Variants in LRRC4C observed in about 807,000 individuals in gnomAD.
LRRC4C encodes leucine rich repeat containing 4C, also known as leucine-rich repeat-containing protein 4C.
LRRC4C carries 5 observed loss-of-function variants against 33.6 expected under a neutral mutation model. The observed-to-expected ratio is 0.15, with a 90% CI of 0.08 to 0.31. The LOEUF (loss-of-function observed/expected upper bound fraction) is 0.31, where lower values mean the gene tolerates loss of function less well. LRRC4C is among the 10% of genes least tolerant of loss of function. The pLI, the probability that LRRC4C is intolerant of heterozygous loss-of-function variation, is 1.00. For missense variants in LRRC4C, 560 were observed against 796.7 expected (o/e 0.70, Z 3.58); for synonymous variants, 329 against 302.0 (o/e 1.09, Z -0.93).
intron 2 of LRRC4C, among the ~76,000 whole-genome samples, chr11:40,880,863 G>GTGTGTA: frequency 6.9e-6 from 1 of 145,630 alleles, no homozygotes; most frequent in South Asian, 2.1e-4. Flanking sequence ...ATGTGTGTGT[G>GTGTGTA]TATATATATA....
At position 40,883,543 on chromosome 11, in the gene LRRC4C, CA is replaced by C. The variant is rs373089391; in HGVS notation, c.-407+50091del. ...TGCAATTGCCATTCAAACACCAAAT[CA>C]GTTCATCAACTCAAATAAACTCTCA... On this transcript the variant is annotated intron_variant, in intron 2 of 6. Coordinates refer to ENST00000528697, the MANE Select transcript of LRRC4C (RefSeq NM_001258419.2). Among the ~76,000 whole-genome samples, 32 of 152,152 alleles carry C rather than the reference CA, an allele frequency of 2.1e-4. 1 individual carries two copies. In the East Asian group the frequency reaches 3.1e-3, roughly 15 times the overall value.
At chr11:40,281,522 A>G (rs1452690095) in intron 4 of LRRC4C, among the ~76,000 whole-genome samples, 1 of 152,132 alleles carries the variant, frequency 6.6e-6, no homozygotes. Flanking sequence ...TCAACTGTAA[A>G]ATCATTCAGG....
chr11:40,648,051 A>T (rs1286810752), intron 3 of LRRC4C, 91 bp downstream of exon 3: 1 of 152,236 alleles, frequency 6.6e-6, no homozygotes, highest in African/African-American at 2.4e-5. Flanking sequence ...GTACCAAAGG[A>T]GAATTATAAT....
chr11:40,406,330 C>T (rs1331614004), intron 3 of LRRC4C, among the ~76,000 whole-genome samples: 1 of 152,072 alleles, frequency 6.6e-6, no homozygotes, highest in African/African-American at 2.4e-5. Flanking sequence ...TTGTTTTCTT[C>T]CCTCCCATGT....
chr11:40,118,113 AT>A (rs1855569293), intron 6 of LRRC4C, among the ~76,000 whole-genome samples: 1 of 148,548 alleles, frequency 6.7e-6, no homozygotes, highest in African/African-American at 2.4e-5. Context: ...TTCATTATAA[AT>A]TGTTAATATG....
intron 1 of LRRC4C, among the ~76,000 whole-genome samples, chr11:41,015,498 GAC>G (rs1447439244): frequency 6.6e-6 from 1 of 151,922 alleles, no homozygotes; most frequent in Non-Finnish European, 1.5e-5. Flanking sequence ...ATTTTTAGGA[GAC>G]ACAGGGTTTC....
chr11:41,257,632 G>T (rs562699191), intron 1 of LRRC4C, among the ~76,000 whole-genome samples: 1 of 152,060 alleles, frequency 6.6e-6, no homozygotes, highest in African/African-American at 2.4e-5. Flanking sequence ...CTGCCAATGG[G>T]CATTAAGCTG....
At chr11:40,881,659 CTT>C (rs57939811) in intron 2 of LRRC4C, among the ~76,000 whole-genome samples, 301 of 145,186 alleles carry the variant, frequency 2.1e-3, no homozygotes, top group South Asian at 5.9e-3. Context: ...TAGTTTTTTT[CTT>C]TTTTTTTTTT....
intron 2 of LRRC4C, among the ~76,000 whole-genome samples, chr11:40,657,400 A>T (rs1337486725): frequency 6.6e-6 from 1 of 152,256 alleles, no homozygotes; most frequent in Non-Finnish European, 1.5e-5. Context: ...TCTGTAGGGC[A>T]TGAAAGGAAA....
intron 2 of LRRC4C, among the ~76,000 whole-genome samples, chr11:40,748,523 C>G (rs1195221096): frequency 6.6e-6 from 1 of 151,960 alleles, no homozygotes; most frequent in Non-Finnish European, 1.5e-5. Flanking sequence ...TCAAATGGTA[C>G]TACTTCATAA....
At chr11:41,348,047 G>A (rs1951856173) in intron 1 of LRRC4C, among the ~76,000 whole-genome samples, 1 of 152,126 alleles carries the variant, frequency 6.6e-6, no homozygotes, top group African/African-American at 2.4e-5. Context: ...ATTTACATAA[G>A]TATCTACAAA....
intron 1 of LRRC4C, among the ~76,000 whole-genome samples, chr11:41,369,774 C>T (rs1329742164): frequency 6.6e-6 from 1 of 152,030 alleles, no homozygotes; most frequent in African/African-American, 2.4e-5. Flanking sequence ...ATGATGAGCA[C>T]CTGGAGAAAA....
chr11:40,145,658 A>G (rs866494327), intron 5 of LRRC4C, among the ~76,000 whole-genome samples: 19 of 152,198 alleles, frequency 1.2e-4, no homozygotes, highest in African/African-American at 4.3e-4. Flanking sequence ...TTTGTACATT[A>G]CAGAAAGATA....
At chr11:41,298,905 T>G (rs1374023756) in intron 1 of LRRC4C, among the ~76,000 whole-genome samples, 3 of 152,204 alleles carry the variant, frequency 2.0e-5, no homozygotes. Context: ...TGACATTCTA[T>G]TTCTGAGTTG....
chr11:41,079,747 A>G lies in LRRC4C; in HGVS notation c.-495-146024T>C, dbSNP rs561858579. Among the ~76,000 whole-genome samples, 12 of 152,354 alleles carry G rather than the reference A, an allele frequency of 7.9e-5. No homozygotes were observed. The South Asian group carries it at 2.5e-3, about 32-fold the overall frequency. ...TTCAAATGTGGCTCAACACAAATTC[A>G]TAAACTTTCTTAAAACTTTATGAGG... On this transcript the variant is annotated intron_variant, in intron 1 of 6. Coordinates refer to ENST00000528697, the MANE Select transcript of LRRC4C (RefSeq NM_001258419.2).
chr11:41,433,510 A>G (rs1362782135), intron 1 of LRRC4C, among the ~76,000 whole-genome samples: 2 of 152,164 alleles, frequency 1.3e-5, no homozygotes, highest in African/African-American at 4.8e-5. Flanking sequence ...AAGGAGATTA[A>G]CATTTGAGTC....
At chr11:41,047,390 T>C (rs951034272) in intron 1 of LRRC4C, among the ~76,000 whole-genome samples, 2 of 152,116 alleles carry the variant, frequency 1.3e-5, no homozygotes, top group African/African-American at 4.8e-5. Context: ...CTCTCTTACA[T>C]TGCTGGTGAT....
chr11:41,197,388 G>A (rs1264276547), intron 1 of LRRC4C, among the ~76,000 whole-genome samples: 1 of 151,946 alleles, frequency 6.6e-6, no homozygotes, highest in Non-Finnish European at 1.5e-5. Flanking sequence ...CTGCAACCTG[G>A]CTGGTACCAT....
At chr11:40,818,787 G>T (rs1343056429) in intron 2 of LRRC4C, among the ~76,000 whole-genome samples, 1 of 151,934 alleles carries the variant, frequency 6.6e-6, no homozygotes, top group African/African-American at 2.4e-5. Flanking sequence ...AAGGAATCAG[G>T]TTCATAATTT....
Sources: allele counts gnomAD v4.1 joint callset (sites outside exome capture counted in the v4.1 genomes callset), GRCh38; gene constraint gnomAD v4.1.1; transcripts MANE v1.5; gene names NCBI Gene and HGNC (gene_info 2026-07-23, HGNC 2026-07-21).